Variants in RELN observed in about 807,000 individuals in gnomAD.
The protein encoded by RELN is reelin.
Under a neutral mutation model 427.6 loss-of-function variants are expected in RELN, and 108 were observed. That is an observed-to-expected ratio of 0.25 (90% CI 0.22 to 0.30). The LOEUF (loss-of-function observed/expected upper bound fraction) is 0.30, where lower values mean the gene tolerates loss of function less well. Ranked by LOEUF, RELN falls within the 10% of genes least tolerant of loss-of-function variation. RELN has a pLI of 1.00. For synonymous variants in RELN, 1,524 were observed against 1,513.4 expected (o/e 1.01, Z -0.16); for missense variants, 3,715 against 4,302.8 (o/e 0.86, Z 3.82).
intron 1 of RELN, among the ~76,000 whole-genome samples, chr7:103,976,647 C>T (rs981166870): frequency 2.6e-5 from 4 of 152,134 alleles, no homozygotes; most frequent in Non-Finnish European, 5.9e-5. Flanking sequence ...ACAAGAAGCT[C>T]CAGTAGCCAT....
Position 103,989,122 on chromosome 7 carries a change from G to C in RELN, c.226+9C>G, listed in dbSNP as rs747966572. 6.2e-7 allele frequency: 1 copy of C among 1,612,292 alleles called. No individual in the cohort carries two copies. Among genetic ancestry groups the C allele is most frequent in the South Asian group, 1.1e-5 (1 of 91,032 alleles). On this transcript the variant is annotated intron_variant, in intron 1 of 64. Transcript: ENST00000428762. This position sits in a 1 kb window ranked among gnomAD's most constrained non-coding sequence, Gnocchi z 4.9. The stretch of plus-strand genomic sequence containing the variant: ...GCGGCGGCGAGCGCGGAGGTGCTGC[G>C]GTACCTACCATGGTATTCTTGTCCC...
rs199961531 is a variant in RELN at position 103,728,116 on chromosome 7, C to T, written c.748G>A (p.Glu250Lys). Residue 250 changes from glutamate to lysine, a missense_variant, in exon 7 of 65, where the codon GAA (glutamate) becomes AAA (lysine). Around this residue, in one of 4 missense-constraint regions of RELN, gnomAD observed 2,208 missense variants for 2,361.7 expected, o/e 0.93. Coordinates refer to ENST00000428762, the MANE Select transcript of RELN (RefSeq NM_005045.4). ...VTFCEPYGPR[E>K]LITTGLNTTT... ...CATGAATAGCACATACTTACCAGTT[C>T]TCGTGGGCCATATGGTTCACAGAAG... is the stretch of plus-strand genomic sequence containing the variant. 5.6e-6 allele frequency: 9 copies of T among 1,613,688 alleles called. No homozygotes were observed. Among genetic ancestry groups the T allele is most frequent in the Non-Finnish European group, 7.6e-6 (9 of 1,179,800 alleles).
At chr7:103,653,524 C>A (rs1408441995) in intron 13 of RELN, among the ~76,000 whole-genome samples, 2 of 152,028 alleles carry the variant, frequency 1.3e-5, no homozygotes, top group Non-Finnish European at 2.9e-5. Context: ...GGTGTGGCCT[C>A]AGCACAAACA....
In RELN at chr7:103,542,814, G is replaced by A. The variant is rs753704714; in HGVS notation, c.6588C>T (p.Ile2196=). 7 of 1,613,976 alleles carry A rather than the reference G, an allele frequency of 4.3e-6. No individual in the cohort carries two copies. Among genetic ancestry groups the A allele is most frequent in the Non-Finnish European group, 5.9e-6 (7 of 1,179,936 alleles). ...SGGKPSRKCG[I]LSSGNNLFFN... is the part of the protein sequence containing the mutation. The stretch of plus-strand genomic sequence containing the variant: ...AAAAGAGGTTGTTTCCACTAGAAAG[G>A]ATTCCACACTTTCGAGATGGTTTCC... Residue 2196 remains isoleucine (I), a synonymous_variant, in exon 43 of 65, where the codon ATC becomes ATT. Coordinates refer to ENST00000428762, the MANE Select transcript of RELN (RefSeq NM_005045.4).
At chr7:103,650,221 A>T in intron 16 of RELN, 53 bp downstream of exon 16, 1 of 1,082,134 alleles carries the variant, frequency 9.2e-7, no homozygotes, top group South Asian at 1.2e-5. Flanking sequence ...GAACAAAAGC[A>T]CAGGAAGACT....
At position 103,929,073 on chromosome 7, in the gene RELN, C is replaced by T. The variant is rs553204459; in HGVS notation, c.227-11888G>A. Among the ~76,000 whole-genome samples, 98 of 152,258 alleles carry T rather than the reference C, an allele frequency of 6.4e-4. 1 individual carries two copies. The highest frequency in any genetic ancestry group is 4.4e-5 in the Non-Finnish European group (3 of 68,030). On this transcript the variant is annotated intron_variant, in intron 1 of 64. Transcript: ENST00000428762. ...GAAATCCTTGCTGGATGCCAGGGTG[C>T]AACCTGCTCTTTTCTGACTGCCTTT...
At chr7:103,650,704 C>A (rs978938112) in intron 15 of RELN, among the ~76,000 whole-genome samples, 1 of 152,086 alleles carries the variant, frequency 6.6e-6, no homozygotes, top group Non-Finnish European at 1.5e-5. Context: ...TAGCTCACTG[C>A]AGCCTCAAAA....
intron 43 of RELN, among the ~76,000 whole-genome samples, chr7:103,541,683 A>G (rs1394780496): frequency 6.6e-6 from 1 of 152,254 alleles, no homozygotes; most frequent in Non-Finnish European, 1.5e-5. Flanking sequence ...TTGTATTGAG[A>G]AAATCTTTAT....
intron 57 of RELN, among the ~76,000 whole-genome samples, chr7:103,493,470 A>G (rs1828732445): frequency 6.6e-6 from 1 of 152,200 alleles, no homozygotes; most frequent in Non-Finnish European, 1.5e-5. Flanking sequence ...AAAGGTGTAG[A>G]AATGTGTAGG....
intron 12 of RELN, among the ~76,000 whole-genome samples, chr7:103,660,772 T>A (rs1249130324): frequency 6.6e-6 from 1 of 152,210 alleles, no homozygotes; most frequent in Non-Finnish European, 1.5e-5. Flanking sequence ...TGGCTCTTGT[T>A]GACTAAAAGG....
intron 2 of RELN, among the ~76,000 whole-genome samples, chr7:103,886,415 A>G (rs965359663): frequency 7.9e-5 from 12 of 152,212 alleles, no homozygotes; most frequent in Admixed American, 7.2e-4. Context: ...ATTTATCCAT[A>G]TGCTAAAATC....
At chr7:103,806,994 A>C (rs1792616025) in intron 3 of RELN, among the ~76,000 whole-genome samples, 1 of 152,176 alleles carries the variant, frequency 6.6e-6, no homozygotes, top group Admixed American at 6.5e-5. Context: ...AGGTAGAGAG[A>C]CACATGAAAT....
At position 103,545,185 on chromosome 7, in the gene RELN, G is replaced by A; in HGVS notation, c.6462C>T (p.Tyr2154=). 4 of 1,614,136 alleles carry A rather than the reference G, an allele frequency of 2.5e-6. No individual in the cohort carries two copies. The highest frequency in any genetic ancestry group is 3.4e-6 in the Non-Finnish European group (4 of 1,180,038). The change falls in exon 42 of 65, where the codon TAC becomes TAT. Residue 2154 remains tyrosine (Y), a synonymous_variant. Coordinates refer to ENST00000428762, the MANE Select transcript of RELN (RefSeq NM_005045.4). The part of the protein sequence containing the change: ...NGTKCICDPG[Y]SGPTCKISTK... ...TGCTTATTTTACAGGTTGGACCTGA[G>A]TAGCCAGGGTCACATATACATTTGG...
intron 2 of RELN, among the ~76,000 whole-genome samples, chr7:103,864,446 C>T (rs1252957491): frequency 2.0e-5 from 3 of 152,104 alleles, no homozygotes; most frequent in Admixed American, 1.3e-4. Flanking sequence ...GAACAGCAAC[C>T]GTTTCCCCCT....
chr7:103,802,328 C>G (rs1792488235), intron 3 of RELN, among the ~76,000 whole-genome samples: 1 of 152,096 alleles, frequency 6.6e-6, no homozygotes, highest in Admixed American at 6.6e-5. Context: ...CTAAATAAAT[C>G]AAAGTCAACT....
intron 38 of RELN, among the ~76,000 whole-genome samples, chr7:103,556,209 A>T (rs1830516654): frequency 6.6e-6 from 1 of 152,200 alleles, no homozygotes; most frequent in Non-Finnish European, 1.5e-5. Flanking sequence ...TCACTTCGTC[A>T]TGGCATTTTG....
At chr7:103,475,552 TA>T (rs1423638609) in intron 64 of RELN, among the ~76,000 whole-genome samples, 3 of 152,222 alleles carry the variant, frequency 2.0e-5, no homozygotes, top group Admixed American at 1.3e-4. Flanking sequence ...TTAAAATAGT[TA>T]AAATATTTTA....
chr7:103,813,972 C>T (rs966562092), intron 3 of RELN, among the ~76,000 whole-genome samples: 25 of 152,054 alleles, frequency 1.6e-4, no homozygotes, highest in African/African-American at 5.6e-4. Context: ...CCCCACATGA[C>T]GGTATTTTTA....
intron 12 of RELN, among the ~76,000 whole-genome samples, 166 bp downstream of exon 12, chr7:103,661,210 G>T (rs1369888923): frequency 6.6e-6 from 1 of 152,166 alleles, no homozygotes; most frequent in Admixed American, 6.5e-5. Flanking sequence ...AGCGGGGCTG[G>T]CCTGAAACAC....
Sources: gnomAD v4.1 joint callset for allele counts (sites outside exome capture counted in the v4.1 genomes callset) on GRCh38, gnomAD v4.1.1 for gene constraint, gnomAD v4.1.1 regional missense constraint, Gnocchi (gnomAD v3.1) non-coding constraint, MANE v1.5 for transcripts, NCBI Gene and HGNC (gene_info 2026-07-23, HGNC 2026-07-21) for gene names.